MAPKBP1: variants seen among roughly 807,000 people sequenced by gnomAD.
MAPKBP1 encodes mitogen-activated protein kinase binding protein 1, also known as mitogen-activated protein kinase-binding protein 1.
Under a neutral mutation model 170.5 loss-of-function variants are expected in MAPKBP1, and 71 were observed. That is an observed-to-expected ratio of 0.42 (90% CI 0.34 to 0.51). The LOEUF (loss-of-function observed/expected upper bound fraction) is 0.51, where lower values mean the gene tolerates loss of function less well. MAPKBP1 is among the 20% of genes least tolerant of loss of function. The probability of loss-of-function intolerance (pLI) is 0.06; values close to 1 mark genes in which losing one functional copy is unlikely to be tolerated. For missense variants in MAPKBP1, 1,598 were observed against 1,933.0 expected (o/e 0.83, Z 3.25); for synonymous variants, 719 against 757.9 (o/e 0.95, Z 0.84).
chr15:41,811,270 A>T (rs1358698896), intron 5 of MAPKBP1, 35 bp downstream of exon 5: 1 of 1,613,110 alleles, frequency 6.2e-7, no homozygotes, highest in Non-Finnish European at 8.5e-7. Flanking sequence ...TACTGTAAAG[A>T]GGGCAGGTGT....
intron 2 of MAPKBP1, among the ~76,000 whole-genome samples, chr15:41,779,871 G>A (rs1023098401): frequency 2.0e-5 from 3 of 152,234 alleles, no homozygotes; most frequent in African/African-American, 4.8e-5. Flanking sequence ...GGCTTGTGAA[G>A]TGTCTTGAGA....
chr15:41,784,404 G>A (rs1407369970), intron 2 of MAPKBP1, among the ~76,000 whole-genome samples: 1 of 152,182 alleles, frequency 6.6e-6, no homozygotes, highest in African/African-American at 2.4e-5. Context: ...TACTCTGGAG[G>A]CTGAGGCGGG....
chr15:41,817,025 T>C lies in MAPKBP1; in HGVS notation c.1701T>C (p.Val567=), dbSNP rs1197689. 1,326,712 of 1,592,152 alleles carry C rather than the reference T, an allele frequency of 0.83. 560,205 individuals carry two copies. The highest frequency in any genetic ancestry group is 0.93 in the African/African-American group (69,476 of 74,426). Residue 567 remains valine, a synonymous_variant, in exon 14 of 31, where the codon GTT becomes GTC. Transcript: ENST00000457542. This position sits in a 1 kb window ranked among gnomAD's most constrained non-coding sequence, Gnocchi z 4.2. The part of the protein sequence containing the change: ...LDEHSSSITA[V]KFAASDGQVR... ...AACACTCATCCTCCATCACTGCTGT[T>C]AAGTTTGCAGGTGCGGGCAGGGTGA...
At position 41,814,692 on chromosome 15, in the gene MAPKBP1, A is replaced by G; in HGVS notation, c.1123A>G (p.Lys375Glu). 1 of 1,614,216 alleles carries G rather than the reference A, an allele frequency of 6.2e-7. No homozygotes were observed. Among genetic ancestry groups the G allele is most frequent in the Non-Finnish European group, 8.5e-7 (1 of 1,180,034 alleles). The change falls in exon 10 of 31, where the codon AAG (lysine) becomes GAG (glutamate). Residue 375 changes from lysine (K) to glutamate (E), a missense_variant. By Grantham distance (56) the Lys-to-Glu change is moderately conservative. This residue lies in a region of MAPKBP1 where 430 missense variants were observed against 617.2 expected (regional missense o/e 0.70). Transcript: ENST00000457542. ...WDVRDPKKVG[K>E]VYSALYHSSC... Reference sequence around the variant, plus strand: ...TGTGAGGGACCCCAAGAAAGTGGGCAAGGTGTACTCGGCTCTGTATCATTC... The same window carrying G: ...TGTGAGGGACCCCAAGAAAGTGGGCGAGGTGTACTCGGCTCTGTATCATTC...
At chr15:41,813,143 CA>C in intron 8 of MAPKBP1, 42 bp downstream of exon 8, 1 of 1,572,178 alleles carries the variant, frequency 6.4e-7, no homozygotes, top group Non-Finnish European at 8.6e-7. Context: ...GCTCATGTCT[CA>C]GCTCAGGGGA....
intron 21 of MAPKBP1, 46 bp from the exon 22 acceptor site, chr15:41,819,549 G>GGGT (rs1555454036): frequency 7.6e-6 from 11 of 1,448,750 alleles, no homozygotes; most frequent in East Asian, 2.3e-5. Context: ...TTGGGTGGCG[G>GGGT]GGGGGGGGCA....
chr15:41,782,122 C>T (rs912928810), intron 2 of MAPKBP1, among the ~76,000 whole-genome samples: 5 of 148,532 alleles, frequency 3.4e-5, no homozygotes, highest in East Asian at 2.0e-4. Flanking sequence ...ATTAGCTGGG[C>T]GTGGTGGCGG....
intron 21 of MAPKBP1, 45 bp from the exon 22 acceptor site, chr15:41,819,547 CGGG>C: frequency 1.6e-6 from 2 of 1,228,186 alleles, no homozygotes; most frequent in Non-Finnish European, 2.2e-6. Context: ...GGTTGGGTGG[CGGG>C]GGGGGGGCAG....
At chr15:41,777,336 G>A (rs560199245) in intron 2 of MAPKBP1, among the ~76,000 whole-genome samples, 128 of 142,570 alleles carry the variant, frequency 9.0e-4, no homozygotes, top group Admixed American at 2.3e-3. Flanking sequence ...GCAAGACTCC[G>A]TCTCAAAAAA....
At chr15:41,777,080 C>T (rs1396825410) in intron 2 of MAPKBP1, among the ~76,000 whole-genome samples, 2 of 152,004 alleles carry the variant, frequency 1.3e-5, no homozygotes, top group Non-Finnish European at 2.9e-5. Context: ...TGGTGGCTCA[C>T]CCCTGTAATC....
intron 9 of MAPKBP1, 54 bp from the exon 10 acceptor site, chr15:41,814,496 C>T: frequency 3.2e-6 from 5 of 1,552,204 alleles, no homozygotes; most frequent in Non-Finnish European, 4.4e-6. Context: ...TGTGGATTGG[C>T]TTCTCTTTTC....
At chr15:41,795,972 A>G (rs946022654) in intron 2 of MAPKBP1, among the ~76,000 whole-genome samples, 1 of 152,214 alleles carries the variant, frequency 6.6e-6, no homozygotes, top group African/African-American at 2.4e-5. Context: ...ATAGGGGGTA[A>G]GGCCTGAAGC....
chr15:41,781,572 G>C (rs1396201250), intron 2 of MAPKBP1, among the ~76,000 whole-genome samples: 3 of 152,054 alleles, frequency 2.0e-5, no homozygotes, highest in Non-Finnish European at 4.4e-5. Context: ...GAGCCCAGGA[G>C]TTTGAGGCTG....
chr15:41,824,530 C>A lies in MAPKBP1; in HGVS notation c.4260C>A (p.Leu1420=), dbSNP rs376198863. The change falls in exon 30 of 31, where the codon CTC becomes CTA. Residue 1420 remains leucine, a synonymous_variant. Coordinates refer to ENST00000457542, the MANE Select transcript of MAPKBP1 (RefSeq NM_014994.3). ...LEQCEQLVAE[L]RGSVRQAVRL... is the part of the protein sequence containing the mutation. The stretch of plus-strand genomic sequence containing the variant: ...AGTGTGAGCAGCTGGTGGCAGAGCT[C>A]CGCGGCAGCGTGCGCCAGGCAGTGC... 30 of 1,603,504 alleles carry A rather than the reference C, an allele frequency of 1.9e-5. No homozygotes were observed. The highest frequency in any genetic ancestry group is 2.6e-5 in the Non-Finnish European group (30 of 1,175,828).
chr15:41,816,734 TC>T lies in MAPKBP1; in HGVS notation c.1585+85del, dbSNP rs1410763484. On this transcript the variant is annotated intron_variant, in intron 13 of 30. Coordinates refer to ENST00000457542, the MANE Select transcript of MAPKBP1 (RefSeq NM_014994.3). ...TCTGTCCCGGCTCTTGGACGTGGGG[TC>T]GGTAATCTTTGGATCATTGGTGTCT... The T allele has an allele frequency of 2.7e-6, 4 of 1,469,234 alleles. No homozygotes were observed. The East Asian group carries it at 9.1e-5, about 33-fold the overall frequency. 91.0% of individuals were successfully genotyped at this position (1,469,234 alleles called of 1,614,324 possible).
chr15:41,795,186 AAG>A (rs996086885), intron 2 of MAPKBP1, among the ~76,000 whole-genome samples: 7 of 151,536 alleles, frequency 4.6e-5, no homozygotes, highest in African/African-American at 1.5e-4. Flanking sequence ...AAAAAAGAAA[AAG>A]AAAAAAGAAA....
intron 2 of MAPKBP1, among the ~76,000 whole-genome samples, chr15:41,787,574 G>C (rs1044155161): frequency 6.6e-6 from 1 of 152,080 alleles, no homozygotes; most frequent in Non-Finnish European, 1.5e-5. Flanking sequence ...CACCATGTTG[G>C]CCAGAATGGT....
chr15:41,795,163 CAAAAAAAA>C (rs57214059), intron 2 of MAPKBP1, among the ~76,000 whole-genome samples: 2 of 113,218 alleles, frequency 1.8e-5, no homozygotes, highest in Admixed American at 9.0e-5. Flanking sequence ...AACCCTGTCT[CAAAAAAAA>C]AAAAAAAAAA....
chr15:41,774,598 C>T lies in MAPKBP1; in HGVS notation c.-122C>T, dbSNP rs2066226597. The T allele has an allele frequency of 5.0e-6, 2 of 398,718 alleles. No individual in the cohort carries two copies. The highest frequency in any genetic ancestry group is 4.4e-6 in the Non-Finnish European group (1 of 226,122). The allele number at this position is 398,718 out of a possible 1,614,324, so 24.7% of individuals were successfully genotyped here. A position where few individuals can be genotyped will look rare whatever the true frequency, so the allele number is the denominator to read the frequency against. ...GGCGCTGTGAGCGGGGTGGCCTTAG[C>T]TCGCCGAGGCTGGTGAGGCTGGGCC... On this transcript the variant is annotated 5_prime_UTR_variant, in exon 1 of 31. Transcript: ENST00000457542.
Sources: allele counts gnomAD v4.1 joint callset (sites outside exome capture counted in the v4.1 genomes callset), GRCh38; gene constraint gnomAD v4.1.1; regional missense constraint gnomAD v4.1.1; non-coding constraint Gnocchi (gnomAD v3.1); transcripts MANE v1.5; gene names NCBI Gene and HGNC (gene_info 2026-07-23, HGNC 2026-07-21).